The following PLPPR5 variants were observed in gnomAD, a reference collection of about 807,000 sequenced individuals.
PLPPR5 encodes phospholipid phosphatase related 5.
In PLPPR5, 16 loss-of-function variants were observed where a neutral mutation model predicts 33.9. The observed-to-expected ratio is 0.47, with a 90% confidence interval of 0.32 to 0.72. PLPPR5 has a LOEUF of 0.72. Ranked by LOEUF, PLPPR5 falls within the 30% of genes least tolerant of loss-of-function variation. The probability of loss-of-function intolerance (pLI) is 0.03; values close to 1 mark genes in which losing one functional copy is unlikely to be tolerated. For synonymous variants in PLPPR5, 163 were observed against 150.3 expected (o/e 1.08, Z -0.62); for missense variants, 301 against 406.7 (o/e 0.74, Z 2.23).
At chr1:98,975,832 G>A (rs886419698) in intron 1 of PLPPR5, among the ~76,000 whole-genome samples, 4 of 152,076 alleles carry the variant, frequency 2.6e-5, no homozygotes, top group African/African-American at 9.6e-5. Context: ...GAGGGTAGTG[G>A]TGAACAACAT....
intron 3 of PLPPR5, among the ~76,000 whole-genome samples, chr1:98,942,150 C>T (rs1650397683): frequency 6.8e-6 from 1 of 147,924 alleles, no homozygotes; most frequent in Admixed American, 6.8e-5. Flanking sequence ...CGGCTCACTG[C>T]AACCTCTGCC....
intron 3 of PLPPR5, among the ~76,000 whole-genome samples, chr1:98,941,434 AG>A (rs1650363854): frequency 6.6e-6 from 1 of 151,586 alleles, no homozygotes; most frequent in Non-Finnish European, 1.5e-5. Flanking sequence ...TGGAGGTGGA[AG>A]GGGCAAACCC....
intron 5 of PLPPR5, among the ~76,000 whole-genome samples, chr1:98,909,702 A>T (rs552696846): frequency 1.3e-5 from 2 of 152,296 alleles, no homozygotes; most frequent in African/African-American, 4.8e-5. Context: ...GTTTGCATCC[A>T]GAACCTACGA....
chr1:98,950,749 T>A (rs1003929220), intron 3 of PLPPR5, among the ~76,000 whole-genome samples: 2 of 152,292 alleles, frequency 1.3e-5, no homozygotes, highest in Middle Eastern at 6.8e-3. Flanking sequence ...AGTTGAGTGA[T>A]CATAGCTCAC....
intron 3 of PLPPR5, among the ~76,000 whole-genome samples, chr1:98,933,352 G>A (rs138552408): frequency 0.011 from 1,633 of 151,992 alleles, 14 homozygotes; most frequent in Middle Eastern, 0.017. Context: ...GCGTGGTGGC[G>A]CGTGCCTGTA....
chr1:98,902,010 T>C (rs1648711391), intron 5 of PLPPR5, among the ~76,000 whole-genome samples: 1 of 152,058 alleles, frequency 6.6e-6, no homozygotes, highest in Non-Finnish European at 1.5e-5. Context: ...ATGGAACATA[T>C]TTCTTTGAAA....
intron 1 of PLPPR5, among the ~76,000 whole-genome samples, chr1:98,981,173 T>C (rs569539552): frequency 1.3e-5 from 2 of 152,008 alleles, no homozygotes; most frequent in South Asian, 4.2e-4. Flanking sequence ...GCGAGAGAGG[T>C]AGATTTAGAG....
At chr1:98,982,243 G>A (rs556206187) in intron 1 of PLPPR5, among the ~76,000 whole-genome samples, 12 of 152,068 alleles carry the variant, frequency 7.9e-5, no homozygotes, top group South Asian at 2.1e-4. Context: ...TTTTACTGGC[G>A]GTGTTAGGTA....
chr1:98,967,148 G>C (rs72730373), intron 1 of PLPPR5, among the ~76,000 whole-genome samples: 10,646 of 152,062 alleles, frequency 0.07, 507 homozygotes, highest in Non-Finnish European at 0.096. Flanking sequence ...GCTATTCTAG[G>C]TATTGCAATA....
intron 5 of PLPPR5, among the ~76,000 whole-genome samples, chr1:98,903,291 T>C (rs1428830710): frequency 4.6e-5 from 7 of 152,130 alleles, no homozygotes; most frequent in Admixed American, 2.0e-4. Flanking sequence ...ACTAATAAGA[T>C]TGTTTTGACA....
chr1:98,937,002 T>C (rs999271799), intron 3 of PLPPR5, among the ~76,000 whole-genome samples: 3 of 152,200 alleles, frequency 2.0e-5, no homozygotes, highest in African/African-American at 7.2e-5. Flanking sequence ...GCCTCAGAGA[T>C]GTTATAGGCT....
At chr1:98,973,923 T>G (rs1651750659) in intron 1 of PLPPR5, among the ~76,000 whole-genome samples, 1 of 151,838 alleles carries the variant, frequency 6.6e-6, no homozygotes, top group Non-Finnish European at 1.5e-5. Flanking sequence ...AGACCTATGC[T>G]GCAGGAAAAT....
intron 1 of PLPPR5, among the ~76,000 whole-genome samples, chr1:98,992,879 T>C (rs1244791499): frequency 6.6e-6 from 1 of 152,002 alleles, no homozygotes; most frequent in African/African-American, 2.4e-5. Flanking sequence ...AAAATAACAG[T>C]ATTAGTGAGA....
rs532266383 is a variant in PLPPR5 at position 98,936,166 on chromosome 1, A to C, written c.622-14108T>G. ...ATAGTACCTATGGAATTTGACTATA[A>C]GGATTAAATGAGATAATCTATGTAA... On this transcript the variant is annotated intron_variant, in intron 3 of 5. Coordinates refer to ENST00000263177, the MANE Select transcript of PLPPR5 (RefSeq NM_001037317.2). Among the ~76,000 whole-genome samples the C allele has an allele frequency of 3.3e-5, 5 of 152,352 alleles. No homozygotes were observed. The East Asian group carries it at 7.7e-4, about 23-fold the overall frequency.
At chr1:98,931,534 C>T (rs914714630) in intron 3 of PLPPR5, among the ~76,000 whole-genome samples, 6 of 152,286 alleles carry the variant, frequency 3.9e-5, no homozygotes, top group African/African-American at 1.4e-4. Context: ...GCTATTAATA[C>T]ATGCAGTACA....
intron 5 of PLPPR5, among the ~76,000 whole-genome samples, chr1:98,907,314 G>C (rs1648943436): frequency 6.7e-6 from 1 of 148,484 alleles, no homozygotes; most frequent in Admixed American, 6.9e-5. Context: ...CGATTCTCCT[G>C]CTTCAGCTTC....
intron 3 of PLPPR5, among the ~76,000 whole-genome samples, chr1:98,935,141 C>G (rs1650131062): frequency 6.6e-6 from 1 of 152,074 alleles, no homozygotes; most frequent in South Asian, 2.1e-4. Context: ...GAATGACAGA[C>G]CTGTTTTTCA....
At chr1:98,992,003 C>A (rs1415367665) in intron 1 of PLPPR5, among the ~76,000 whole-genome samples, 1 of 152,148 alleles carries the variant, frequency 6.6e-6, no homozygotes, top group African/African-American at 2.4e-5. Context: ...ATCCCATACC[C>A]ACAGGTACCC....
intron 1 of PLPPR5, among the ~76,000 whole-genome samples, chr1:98,964,095 A>T (rs1251441197): frequency 6.6e-6 from 1 of 152,192 alleles, no homozygotes; most frequent in East Asian, 1.9e-4. Flanking sequence ...TCCCTGGGGC[A>T]ACGAGCATAA....
Sources: gnomAD v4.1 joint callset for allele counts (sites outside exome capture counted in the v4.1 genomes callset) on GRCh38, gnomAD v4.1.1 for gene constraint, MANE v1.5 for transcripts, NCBI Gene and HGNC (gene_info 2026-07-23, HGNC 2026-07-21) for gene names.